Variants in STXBP6 observed in about 807,000 individuals in gnomAD.
STXBP6 encodes syntaxin-binding protein 6.
STXBP6 carries 21 observed loss-of-function variants against 26.9 expected under a neutral mutation model. That is an observed-to-expected ratio of 0.78 (90% confidence interval 0.55 to 1.12). The LOEUF is 1.12. Ranked by LOEUF, STXBP6 falls within the 50% of genes most tolerant of loss-of-function variation. The pLI is 0.00. For synonymous variants in STXBP6, 97 were observed against 92.6 expected (o/e 1.05, Z -0.27); for missense variants, 232 against 257.9 (o/e 0.90, Z 0.69).
chr14:24,974,976 T>C (rs2074005904), intron 1 of STXBP6, 126 bp from the exon 2 acceptor site: 1 of 556,716 alleles, frequency 1.8e-6, no homozygotes, highest in South Asian at 3.8e-5. Flanking sequence ...TCATAATTGC[T>C]TGAAATGTAT....
intron 2 of STXBP6, among the ~76,000 whole-genome samples, chr14:24,919,714 T>C (rs1009550262): frequency 1.3e-5 from 2 of 151,994 alleles, no homozygotes; most frequent in Non-Finnish European, 2.9e-5. Flanking sequence ...TTGTGCAATA[T>C]AGTGACTTGG....
Position 24,899,859 on chromosome 14 carries a change from C to G in STXBP6, c.155-42702G>C, listed in dbSNP as rs74037698. Among the ~76,000 whole-genome samples, 1,127 of 147,292 alleles carry G rather than the reference C, an allele frequency of 7.7e-3. 9 individuals are homozygous for G. Among genetic ancestry groups the G allele is most frequent in the African/African-American group, 0.026 (1,028 of 39,922 alleles). On this transcript the variant is annotated intron_variant, in intron 2 of 5. Coordinates refer to ENST00000323944, the MANE Select transcript of STXBP6 (RefSeq NM_001394410.1). ...ATCATATGTTTGGTAAGAATTTGAA[C>G]CCTGGCTGTTCAGCTCTTGAATGGT...
At chr14:24,860,930 C>G (rs145546657) in intron 2 of STXBP6, among the ~76,000 whole-genome samples, 2 of 146,710 alleles carry the variant, frequency 1.4e-5, no homozygotes, top group Admixed American at 6.7e-5. Context: ...ACATCCTCAA[C>G]TATCTCATAT....
At chr14:25,037,275 A>G (rs907353816) in intron 1 of STXBP6, among the ~76,000 whole-genome samples, 9 of 152,226 alleles carry the variant, frequency 5.9e-5, no homozygotes, top group African/African-American at 1.9e-4. Flanking sequence ...AGGAATGGAA[A>G]CCAGAACTTC....
chr14:24,988,815 C>A (rs8017234), intron 1 of STXBP6, among the ~76,000 whole-genome samples: 25,776 of 152,040 alleles, frequency 0.17, 2,237 homozygotes, highest in Middle Eastern at 0.26. Flanking sequence ...AAAAAATAAA[C>A]GGTCATTGAG....
At chr14:24,814,797 T>C (rs1203747080) in intron 5 of STXBP6, among the ~76,000 whole-genome samples, 1 of 152,154 alleles carries the variant, frequency 6.6e-6, no homozygotes, top group Non-Finnish European at 1.5e-5. Context: ...TTAGTGTCCT[T>C]ATAAAGTGGC....
intron 1 of STXBP6, among the ~76,000 whole-genome samples, chr14:25,002,239 C>A (rs916813138): frequency 5.9e-5 from 9 of 152,070 alleles, no homozygotes; most frequent in African/African-American, 2.2e-4. Context: ...AAATTAAATT[C>A]TTCACTATTG....
chr14:24,986,872 G>A (rs1345443598), intron 1 of STXBP6, among the ~76,000 whole-genome samples: 1 of 152,118 alleles, frequency 6.6e-6, no homozygotes, highest in African/African-American at 2.4e-5. Context: ...GTGGATAGGT[G>A]GTCATCTCTA....
At chr14:24,932,410 A>T (rs1463807736) in intron 2 of STXBP6, among the ~76,000 whole-genome samples, 2 of 152,208 alleles carry the variant, frequency 1.3e-5, no homozygotes, top group Non-Finnish European at 2.9e-5. Context: ...ATGTTGGGCC[A>T]TTCAGGGAGC....
rs191148919 is a variant in STXBP6 at position 25,046,727 on chromosome 14, G to C, written c.-33+3151C>G. ...AGTCAAAATTCAAGGCCACAGTCTA[G>C]GTCATAGGAAGTCATGGTGAGCTCA... On this transcript the variant is annotated intron_variant, in intron 1 of 5. Coordinates refer to ENST00000323944, the MANE Select transcript of STXBP6 (RefSeq NM_001394410.1). 7.9e-5 allele frequency among the ~76,000 whole-genome samples: 12 copies of C among 152,290 alleles called. 1 individual carries two copies. The East Asian group carries it at 2.3e-3, about 29-fold the overall frequency.
Position 24,810,003 on chromosome 14 carries a change from G to A in STXBP6, c.*2706C>T, listed in dbSNP as rs1179015717. The A allele has an allele frequency of 6.6e-6, 1 of 152,146 alleles. No homozygotes were observed. The highest frequency in any genetic ancestry group is 1.5e-5 in the Non-Finnish European group (1 of 68,030). The allele number at this position is 152,146 out of a possible 1,614,324, so 9.4% of individuals were successfully genotyped here. The stretch of plus-strand genomic sequence containing the variant: ...TTGAAAAAAGGTAACTACTGATCAT[G>A]TTACATTTTACAAATACATTCTTTA... On this transcript the variant is annotated 3_prime_UTR_variant, in exon 6 of 6. Transcript: ENST00000323944.
At chr14:25,029,721 ATGGTAGG>A (rs934951759) in intron 1 of STXBP6, among the ~76,000 whole-genome samples, 33 of 152,180 alleles carry the variant, frequency 2.2e-4, no homozygotes, top group African/African-American at 7.5e-4. Context: ...CCCTGAGAAA[ATGGTAGG>A]TGCTTTCCCT....
At chr14:24,895,823 T>C (rs933068793) in intron 2 of STXBP6, among the ~76,000 whole-genome samples, 1 of 152,196 alleles carries the variant, frequency 6.6e-6, no homozygotes, top group African/African-American at 2.4e-5. Context: ...CTAACCTCTC[T>C]GAGCATGAGG....
intron 2 of STXBP6, among the ~76,000 whole-genome samples, chr14:24,918,762 T>C (rs982557880): frequency 2.6e-5 from 4 of 152,046 alleles, no homozygotes; most frequent in Admixed American, 6.6e-5. Flanking sequence ...ATTGTTGACA[T>C]GAAATGTGAA....
chr14:25,042,813 T>C (rs992712182), intron 1 of STXBP6, among the ~76,000 whole-genome samples: 1 of 152,206 alleles, frequency 6.6e-6, no homozygotes, highest in African/African-American at 2.4e-5. Flanking sequence ...CACCACACTG[T>C]TAAAGAGAGA....
intron 1 of STXBP6, among the ~76,000 whole-genome samples, chr14:25,016,862 G>A (rs2075160129): frequency 6.6e-6 from 1 of 152,186 alleles, no homozygotes; most frequent in South Asian, 2.1e-4. Context: ...AATTACATGT[G>A]TATTTGGTAT....
At chr14:24,955,611 G>C (rs2073317591) in intron 2 of STXBP6, among the ~76,000 whole-genome samples, 1 of 152,150 alleles carries the variant, frequency 6.6e-6, no homozygotes, top group South Asian at 2.1e-4. Flanking sequence ...GAAGCAACCT[G>C]AACATATGGC....
intron 1 of STXBP6, among the ~76,000 whole-genome samples, chr14:25,020,954 G>A (rs548097908): frequency 9.9e-5 from 15 of 152,262 alleles, no homozygotes; most frequent in Non-Finnish European, 1.9e-4. Flanking sequence ...GCAGATTCGT[G>A]AGTACCAACT....
chr14:24,857,038 C>A lies in STXBP6; in HGVS notation c.274G>T (p.Asp92Tyr). The change falls in exon 3 of 6, where the codon GAT becomes TAT. Residue 92 changes from aspartate to tyrosine, a missense_variant. By Grantham distance (160) the Asp-to-Tyr change is radical. Coordinates refer to ENST00000323944, the MANE Select transcript of STXBP6 (RefSeq NM_001394410.1). ...GACAATTCACTCACCCCATTAGGAT[C>A]GATACCATTAACCTGGCGAAGCTGC... ...LEQLRQVNGI[D>Y]PNGDSAEFDL... The A allele has an allele frequency of 1.9e-6, 3 of 1,612,780 alleles. No individual in the cohort carries two copies. The highest frequency in any genetic ancestry group is 2.2e-5 in the East Asian group (1 of 44,858).
Sources: allele counts gnomAD v4.1 joint callset (sites outside exome capture counted in the v4.1 genomes callset), GRCh38; gene constraint gnomAD v4.1.1; transcripts MANE v1.5; gene names NCBI Gene and HGNC (gene_info 2026-07-23, HGNC 2026-07-21).